THOC7: variants seen among roughly 807,000 people sequenced by gnomAD.
THOC7 encodes the protein THO complex subunit 7, also known as NIF3L1-binding protein 1.
Under a neutral mutation model 33.1 loss-of-function variants are expected in THOC7, and 22 were observed. That is an observed-to-expected ratio of 0.66 (90% CI 0.47 to 0.95). The LOEUF (loss-of-function observed/expected upper bound fraction) is 0.95, where lower values mean the gene tolerates loss of function less well. Among genes scored for constraint, THOC7 ranks in the 40% least tolerant of loss-of-function variants. THOC7 has a pLI of 0.00. For synonymous variants in THOC7, 77 were observed against 76.8 expected, an observed-to-expected ratio of 1.00 and a Z score of -0.01; for missense variants, 184 against 245.3, an observed-to-expected ratio of 0.75 and a Z score of 1.67.
intron 1 of THOC7, among the ~76,000 whole-genome samples, chr3:63,849,766 T>C (rs1380555940): frequency 6.6e-6 from 1 of 152,248 alleles, no homozygotes; most frequent in Admixed American, 6.5e-5. Context: ...TTTGCTTTTC[T>C]TTTTTCTTTT....
intron 1 of THOC7, among the ~76,000 whole-genome samples, chr3:63,857,187 T>C (rs1372364909): frequency 6.6e-6 from 1 of 152,226 alleles, no homozygotes; most frequent in Non-Finnish European, 1.5e-5. Flanking sequence ...AGAGGAATTA[T>C]TACGGAAGGT....
intron 1 of THOC7, among the ~76,000 whole-genome samples, chr3:63,843,041 A>T (rs1203871315): frequency 6.6e-6 from 1 of 151,256 alleles, no homozygotes; most frequent in East Asian, 1.9e-4. Flanking sequence ...ACATGCCTCA[A>T]CCTCCCAAGT....
Position 63,863,802 on chromosome 3 carries a change from C to T in THOC7, c.-12G>A. ...GTCACGGCTCCCATGGCGTGCGCGG[C>T]GGCGGCGGCGGCGGCGGCGGCGCAA... is the stretch of plus-strand genomic sequence containing the variant. On this transcript the variant is annotated 5_prime_UTR_variant, in exon 1 of 8. Coordinates refer to ENST00000295899, the MANE Select transcript of THOC7 (RefSeq NM_025075.4). The T allele has an allele frequency of 1.8e-6, 2 of 1,097,262 alleles. No individual in the cohort carries two copies. Among genetic ancestry groups the T allele is most frequent in the Non-Finnish European group, 2.3e-6 (2 of 872,138 alleles). The allele number at this position is 1,097,262 out of a possible 1,614,324, so 68.0% of individuals were successfully genotyped here.
At chr3:63,853,171 AAAAAAG>A (rs1702050019) in intron 1 of THOC7, among the ~76,000 whole-genome samples, 1 of 151,624 alleles carries the variant, frequency 6.6e-6, no homozygotes, top group African/African-American at 2.4e-5. Context: ...AAAAAAAAAA[AAAAAAG>A]AATCACAGGT....
upstream of THOC7, chr3:63,863,920 G>C (rs1702314741): frequency 1.1e-6 from 1 of 931,676 alleles, no homozygotes; most frequent in Non-Finnish European, 1.3e-6. Context: ...GCCCGCGGCC[G>C]CCTGCTCCGA....
chr3:63,834,085 C>A lies in THOC7; in HGVS notation c.*47G>T. On this transcript the variant is annotated 3_prime_UTR_variant, in exon 8 of 8. Coordinates refer to ENST00000295899, the MANE Select transcript of THOC7 (RefSeq NM_025075.4). ...TACCACATTTTAAACACATTATGGT[C>A]ATGTAGCTATTTCAATATTCCTGGG... 2 of 1,589,962 alleles carry A rather than the reference C, an allele frequency of 1.3e-6. No individual in the cohort carries two copies. The highest frequency in any genetic ancestry group is 2.2e-5 in the South Asian group (2 of 90,142).
chr3:63,864,424 C>CGCGCTGGGGCGGGTCTCGAACGCCG (rs1407275740), upstream of THOC7: 7 of 152,112 alleles, frequency 4.6e-5, no homozygotes, highest in Admixed American at 2.0e-4. Context: ...GGCGCCCACG[C>CGCGCTGGGGCGGGTCTCGAACGCCG]GCGCTGGGGC....
intron 1 of THOC7, among the ~76,000 whole-genome samples, chr3:63,842,401 G>T (rs1004105109): frequency 3.3e-5 from 5 of 152,120 alleles, no homozygotes; most frequent in African/African-American, 1.2e-4. Flanking sequence ...AAAACAAAAT[G>T]AAGAGTCCTC....
In THOC7 at chr3:63,835,354, A is replaced by C; in HGVS notation, c.447T>G (p.Leu149=). 3 of 1,613,608 alleles carry C rather than the reference A, an allele frequency of 1.9e-6. No individual in the cohort carries two copies. The highest frequency in any genetic ancestry group is 2.5e-6 in the Non-Finnish European group (3 of 1,179,774). The change falls in exon 6 of 8, where the codon CTT becomes CTG. Residue 149 remains leucine, a synonymous_variant. Coordinates refer to ENST00000295899, the MANE Select transcript of THOC7 (RefSeq NM_025075.4). The stretch of plus-strand genomic sequence containing the variant: ...CTTCAACACTTTCTTTAATGTGTGA[A>C]AGATGCTCTAATTCTTTTCCCAGAG... ...LEALGKELEH[L]SHIKESVEDK... is the part of the protein sequence containing the mutation.
chr3:63,855,641 A>G (rs987627562), intron 1 of THOC7, among the ~76,000 whole-genome samples: 4 of 152,186 alleles, frequency 2.6e-5, no homozygotes, highest in African/African-American at 9.6e-5. Flanking sequence ...TGCCATTAAA[A>G]CCTTGATTAC....
In THOC7 at chr3:63,858,369, T is replaced by C. The variant is rs188708290; in HGVS notation, c.19+5403A>G. Among the ~76,000 whole-genome samples the C allele has an allele frequency of 4.6e-5, 7 of 152,308 alleles. No homozygotes were observed. In the East Asian group the frequency reaches 1.2e-3, roughly 25 times the overall value. On this transcript the variant is annotated intron_variant, in intron 1 of 7. Coordinates refer to ENST00000295899, the MANE Select transcript of THOC7 (RefSeq NM_025075.4). Reference sequence around the variant, plus strand: ...CATTATTAGAAAGTCATAATGCAGCTCCATTATTCTGTCATATTATTCGTA... The same window carrying C: ...CATTATTAGAAAGTCATAATGCAGCCCCATTATTCTGTCATATTATTCGTA...
intron 1 of THOC7, among the ~76,000 whole-genome samples, chr3:63,856,809 C>T (rs2107162899): frequency 6.6e-6 from 1 of 152,218 alleles, no homozygotes; most frequent in African/African-American, 2.4e-5. Context: ...GCTCCGCCTC[C>T]CAGGTTCATG....
At chr3:63,855,680 T>C (rs943616458) in intron 1 of THOC7, among the ~76,000 whole-genome samples, 2 of 152,206 alleles carry the variant, frequency 1.3e-5, no homozygotes, top group Non-Finnish European at 2.9e-5. Context: ...GGTCAAGGCT[T>C]GACAACCAGA....
chr3:63,861,991 A>AT (rs1219184654), intron 1 of THOC7, among the ~76,000 whole-genome samples: 1 of 151,850 alleles, frequency 6.6e-6, no homozygotes, highest in Non-Finnish European at 1.5e-5. Context: ...GGGTCTCACT[A>AT]TGTTTTCCAG....
intron 1 of THOC7, chr3:63,845,036 G>A (rs1295442303): frequency 5.7e-6 from 4 of 699,452 alleles, no homozygotes; most frequent in Non-Finnish European, 1.0e-5. Context: ...ACCACAAAAG[G>A]ACCTGGAGAC....
intron 1 of THOC7, among the ~76,000 whole-genome samples, chr3:63,854,954 G>A (rs1194417349): frequency 2.6e-5 from 4 of 150,990 alleles, no homozygotes; most frequent in African/African-American, 7.3e-5. Context: ...CTTGCAGTGA[G>A]CCGAGATCCC....
intron 1 of THOC7, among the ~76,000 whole-genome samples, chr3:63,859,191 CCT>C (rs1413045126): frequency 3.9e-5 from 6 of 152,208 alleles, no homozygotes; most frequent in Admixed American, 2.0e-4. Context: ...CATTGGACTC[CCT>C]GTTTCCATTC....
chr3:63,835,089 A>G (rs977040588), intron 7 of THOC7, 65 bp downstream of exon 7: 1 of 1,493,784 alleles, frequency 6.7e-7, no homozygotes, highest in African/African-American at 1.4e-5. Context: ...ATATTTCAAA[A>G]GGTACATCCC....
intron 6 of THOC7, 45 bp downstream of exon 6, chr3:63,835,279 C>T (rs1228355016): frequency 6.2e-7 from 1 of 1,610,598 alleles, no homozygotes; most frequent in Non-Finnish European, 8.5e-7. Flanking sequence ...GATATATAGA[C>T]AGACAGATAG....
Sources: allele counts gnomAD v4.1 joint callset (sites outside exome capture counted in the v4.1 genomes callset), GRCh38; gene constraint gnomAD v4.1.1; transcripts MANE v1.5; gene names NCBI Gene and HGNC (gene_info 2026-07-23, HGNC 2026-07-21).